The following ATP8B4 variants were observed in gnomAD, a reference collection of about 807,000 sequenced individuals.
ATP8B4 encodes the protein probable phospholipid-transporting ATPase IM.
ATP8B4 carries 133 observed loss-of-function variants against 145.6 expected under a neutral mutation model. The observed-to-expected ratio is 0.91, with a 90% confidence interval of 0.79 to 1.05. ATP8B4 has a LOEUF of 1.05. Ranked by LOEUF, ATP8B4 falls within the 50% of genes least tolerant of loss-of-function variation. ATP8B4 has a pLI of 0.00. For missense variants in ATP8B4, 1,458 were observed against 1,425.2 expected, an observed-to-expected ratio of 1.02 and a Z score of -0.37; for synonymous variants, 507 against 492.9, an observed-to-expected ratio of 1.03 and a Z score of -0.38.
chr15:50,151,261 T>C (rs1040396745), intron 1 of ATP8B4, among the ~76,000 whole-genome samples: 9 of 152,348 alleles, frequency 5.9e-5, no homozygotes, highest in African/African-American at 1.9e-4. Context: ...AGGTGTATTA[T>C]AGCTTTTCTT....
chr15:49,907,369 C>A (rs2038734976), intron 20 of ATP8B4, among the ~76,000 whole-genome samples: 1 of 152,242 alleles, frequency 6.6e-6, no homozygotes, highest in Admixed American at 6.5e-5. Flanking sequence ...CCTACTATTT[C>A]TCTTCACATC....
chr15:49,997,155 C>G (rs1033055124), intron 8 of ATP8B4, among the ~76,000 whole-genome samples: 4 of 151,970 alleles, frequency 2.6e-5, no homozygotes, highest in Non-Finnish European at 5.9e-5. Context: ...AGGAGTTTTA[C>G]TTGCAAAAAA....
At chr15:50,036,331 G>A (rs2050833173) in intron 6 of ATP8B4, among the ~76,000 whole-genome samples, 1 of 152,302 alleles carries the variant, frequency 6.6e-6, no homozygotes. Context: ...TGTCCAACCT[G>A]AGGCAGGAGA....
intron 3 of ATP8B4, among the ~76,000 whole-genome samples, chr15:50,049,387 G>A (rs561303437): frequency 5.3e-5 from 8 of 152,254 alleles, no homozygotes; most frequent in African/African-American, 1.9e-4. Context: ...ACTCATAAGT[G>A]AGAACTTGCA....
intron 20 of ATP8B4, among the ~76,000 whole-genome samples, chr15:49,909,855 T>C (rs1351250536): frequency 6.6e-6 from 1 of 151,586 alleles, no homozygotes; most frequent in Non-Finnish European, 1.5e-5. Context: ...AGTCCTCTCC[T>C]ATGAAAGTAA....
intron 3 of ATP8B4, among the ~76,000 whole-genome samples, chr15:50,056,871 C>T (rs977098426): frequency 2.0e-5 from 3 of 151,796 alleles, no homozygotes; most frequent in Admixed American, 6.6e-5. Flanking sequence ...TGTATACACA[C>T]ATATAGATTA....
chr15:50,009,518 A>G, intron 7 of ATP8B4: 1 of 342,662 alleles, frequency 2.9e-6, no homozygotes, highest in South Asian at 2.3e-5. Flanking sequence ...AAGACAAAGA[A>G]GATAAAGTCT....
At chr15:50,087,186 T>A (rs1218731171) in intron 2 of ATP8B4, among the ~76,000 whole-genome samples, 4 of 128,654 alleles carry the variant, frequency 3.1e-5, no homozygotes, top group Non-Finnish European at 6.2e-5. Context: ...AATAAATAGA[T>A]CTCTGTATAT....
In ATP8B4 at chr15:49,901,154, C is replaced by G. The variant is rs749196285; in HGVS notation, c.2227G>C (p.Asp743His). Residue 743 changes from aspartate to histidine, a missense_variant, in exon 21 of 28, where the codon GAT becomes CAT. Coordinates refer to ENST00000284509, the MANE Select transcript of ATP8B4 (RefSeq NM_024837.4). ...GTTATGGTTTCTTCTACAATAGAAT[C>G]CAACTCCAGCTGCTGCTTTTTTTCA... ...VCEKKQQLEL[D>H]SIVEETITGD... 86 of 1,613,468 alleles carry G rather than the reference C, an allele frequency of 5.3e-5. No individual in the cohort carries two copies. Among genetic ancestry groups the G allele is most frequent in the Non-Finnish European group, 6.7e-5 (79 of 1,179,648 alleles).
chr15:49,928,446 G>C (rs1451660119), intron 16 of ATP8B4, among the ~76,000 whole-genome samples: 13 of 152,060 alleles, frequency 8.5e-5, no homozygotes, highest in Admixed American at 8.5e-4. Context: ...TGAGCTCAAA[G>C]TTTTGGAAAG....
chr15:50,094,891 G>C (rs972283518), intron 2 of ATP8B4, among the ~76,000 whole-genome samples: 3 of 151,868 alleles, frequency 2.0e-5, no homozygotes, highest in Non-Finnish European at 4.4e-5. Context: ...ATTCCCAAAA[G>C]CTGCTAATAC....
At chr15:50,172,385 C>T (rs538360807) in intron 1 of ATP8B4, among the ~76,000 whole-genome samples, 9 of 152,376 alleles carry the variant, frequency 5.9e-5, no homozygotes, top group Non-Finnish European at 1.3e-4. Context: ...CGCGAGTGAT[C>T]TGCCAGCCTC....
chr15:49,996,604 G>T, intron 9 of ATP8B4, 73 bp downstream of exon 9: 3 of 1,172,216 alleles, frequency 2.6e-6, no homozygotes, highest in Non-Finnish European at 2.4e-6. Flanking sequence ...ACATAAATTG[G>T]ATCTCACATT....
intron 2 of ATP8B4, among the ~76,000 whole-genome samples, chr15:50,099,070 C>T (rs745826743): frequency 6.6e-6 from 1 of 152,128 alleles, no homozygotes; most frequent in Non-Finnish European, 1.5e-5. Context: ...CTACCCTACA[C>T]CCCATAAACA....
intron 20 of ATP8B4, among the ~76,000 whole-genome samples, chr15:49,908,337 TA>T (rs1373322365): frequency 6.6e-6 from 1 of 152,212 alleles, no homozygotes; most frequent in Non-Finnish European, 1.5e-5. Context: ...TAGATAATCA[TA>T]CTTCAAATAT....
At chr15:50,004,221 G>C in intron 7 of ATP8B4, among the ~76,000 whole-genome samples, 1 of 152,198 alleles carries the variant, frequency 6.6e-6, no homozygotes, top group East Asian at 1.9e-4. Flanking sequence ...CATTGTGGTT[G>C]AGGAGGGAGT....
At chr15:50,102,045 C>A (rs980863246) in intron 2 of ATP8B4, among the ~76,000 whole-genome samples, 3 of 151,442 alleles carry the variant, frequency 2.0e-5, no homozygotes, top group African/African-American at 7.3e-5. Flanking sequence ...TCAAACTGAA[C>A]AATAATAGTG....
At position 49,860,492 on chromosome 15, in the gene ATP8B4, C is replaced by A; in HGVS notation, c.3298-17G>T. 1 of 1,586,118 alleles carries A rather than the reference C, an allele frequency of 6.3e-7. No homozygotes were observed. The highest frequency in any genetic ancestry group is 8.6e-7 in the Non-Finnish European group (1 of 1,168,724). On this transcript the variant is annotated splice_polypyrimidine_tract_variant and intron_variant, in intron 27 of 27. Coordinates refer to ENST00000284509, the MANE Select transcript of ATP8B4 (RefSeq NM_024837.4). ...CCGGCGGATCTGGAGAGAAACAGAC[C>A]CAAAGTGAGATGATGCATCCAAATG... is the stretch of plus-strand genomic sequence containing the variant.
At chr15:50,042,097 G>A (rs1600015244) in intron 5 of ATP8B4, among the ~76,000 whole-genome samples, 1 of 151,484 alleles carries the variant, frequency 6.6e-6, no homozygotes, top group East Asian at 1.9e-4. Flanking sequence ...AGAAGTTGCA[G>A]TGAGCCGAGA....
Sources: gnomAD v4.1 joint callset for allele counts (sites outside exome capture counted in the v4.1 genomes callset) on GRCh38, gnomAD v4.1.1 for gene constraint, MANE v1.5 for transcripts, NCBI Gene and HGNC (gene_info 2026-07-23, HGNC 2026-07-21) for gene names.